PEBP4: variants seen among roughly 807,000 people sequenced by gnomAD.
PEBP4 encodes phosphatidylethanolamine binding protein 4, also known as phosphatidylethanolamine-binding protein 4.
PEBP4 carries 22 observed loss-of-function variants against 23.9 expected under a neutral mutation model. The observed-to-expected ratio is 0.92, with a 90% CI of 0.66 to 1.31. PEBP4 has a LOEUF of 1.31. Among genes scored for constraint, PEBP4 ranks in the 40% most tolerant of loss-of-function variants. The pLI, the probability that PEBP4 is intolerant of heterozygous loss-of-function variation, is 0.00. For synonymous variants in PEBP4, 112 were observed against 99.3 expected (o/e 1.13, Z -0.76); for missense variants, 324 against 281.7 (o/e 1.15, Z -1.07).
chr8:22,879,871 GGT>G (rs1808208717), intron 3 of PEBP4, among the ~76,000 whole-genome samples: 1 of 152,172 alleles, frequency 6.6e-6, no homozygotes, highest in African/African-American at 2.4e-5. Context: ...AAAATTTTCT[GGT>G]GTGTTTATTT....
intron 1 of PEBP4, among the ~76,000 whole-genome samples, chr8:22,933,061 A>T (rs575346577): frequency 2.7e-4 from 41 of 151,220 alleles, no homozygotes; most frequent in Middle Eastern, 3.5e-3. Flanking sequence ...TTCCACCTCC[A>T]CTGCCAGCAG....
chr8:22,866,647 G>T (rs1048006363), intron 3 of PEBP4, among the ~76,000 whole-genome samples: 15 of 151,272 alleles, frequency 9.9e-5, no homozygotes, highest in Non-Finnish European at 1.6e-4. Context: ...TGGGGTGGGG[G>T]GAAGCAAATC....
intron 4 of PEBP4, among the ~76,000 whole-genome samples, chr8:22,734,998 T>A (rs1311108060): frequency 1.3e-5 from 2 of 152,144 alleles, no homozygotes; most frequent in African/African-American, 2.4e-5. Flanking sequence ...TTGTTCTAGG[T>A]CGTGCGATTG....
At chr8:22,908,264 A>T (rs1401509687) in intron 3 of PEBP4, among the ~76,000 whole-genome samples, 3 of 152,168 alleles carry the variant, frequency 2.0e-5, no homozygotes, top group Non-Finnish European at 4.4e-5. Context: ...ACCACCCAGC[A>T]GAAGAAGCTG....
At chr8:22,858,122 C>A (rs940416579) in intron 3 of PEBP4, among the ~76,000 whole-genome samples, 1 of 152,156 alleles carries the variant, frequency 6.6e-6, no homozygotes, top group Non-Finnish European at 1.5e-5. Flanking sequence ...CTCTCCATGT[C>A]CCAGTGAGAA....
chr8:22,863,065 G>A (rs1234723697), intron 3 of PEBP4, among the ~76,000 whole-genome samples: 2 of 152,152 alleles, frequency 1.3e-5, no homozygotes, highest in African/African-American at 4.8e-5. Flanking sequence ...CTCCCAAAGT[G>A]CTGGGATTAC....
At chr8:22,893,545 TCC>T (rs1235873627) in intron 3 of PEBP4, among the ~76,000 whole-genome samples, 2 of 152,146 alleles carry the variant, frequency 1.3e-5, no homozygotes, top group African/African-American at 4.8e-5. Context: ...ATAACTATAT[TCC>T]ATGTGTTCAA....
At position 22,744,413 on chromosome 8, in the gene PEBP4, G is replaced by T. The variant is rs185817822; in HGVS notation, c.358-17193C>A. Among the ~76,000 whole-genome samples the T allele has an allele frequency of 3.3e-5, 5 of 152,328 alleles. No homozygotes were observed. The East Asian group carries it at 9.7e-4, about 29-fold the overall frequency. ...ACAGGCCACCATGACAGGGTCTGCC[G>T]GTGGAAAAAGACTCATGTATGAGTC... is the stretch of plus-strand genomic sequence containing the variant. On this transcript the variant is annotated intron_variant, in intron 4 of 6. Transcript: ENST00000256404.
intron 4 of PEBP4, among the ~76,000 whole-genome samples, chr8:22,784,920 C>G (rs1038032438): frequency 6.6e-6 from 1 of 152,232 alleles, no homozygotes; most frequent in African/African-American, 2.4e-5. Flanking sequence ...GTCAGGAACG[C>G]TCTGGGATCC....
At chr8:22,750,837 A>C (rs1805240042) in intron 4 of PEBP4, among the ~76,000 whole-genome samples, 1 of 152,162 alleles carries the variant, frequency 6.6e-6, no homozygotes, top group Admixed American at 6.5e-5. Context: ...ACAAGATGTT[A>C]TTGTGCCGAG....
rs1276783029 is a variant in PEBP4 at position 22,865,304 on chromosome 8, C to A, written c.259-47569G>T. 6.6e-6 allele frequency among the ~76,000 whole-genome samples: 1 copy of A among 151,226 alleles called. No individual in the cohort carries two copies. The highest frequency in any genetic ancestry group is 1.5e-5 in the Non-Finnish European group (1 of 67,632). ...AGGGCAGCCCGGGAAGAGCGGCGGG[C>A]GGATGGGAATTACCCCGGGTCCCCC... On this transcript the variant is annotated intron_variant, in intron 3 of 6. Transcript: ENST00000256404. This position sits in a 1 kb window ranked among gnomAD's most constrained non-coding sequence, Gnocchi z 6.9.
intron 4 of PEBP4, among the ~76,000 whole-genome samples, chr8:22,801,406 A>G (rs993753833): frequency 6.6e-6 from 1 of 152,114 alleles, no homozygotes; most frequent in Non-Finnish European, 1.5e-5. Context: ...ACTGCACCAC[A>G]CTGCCTCCTG....
Position 22,865,808 on chromosome 8 carries a change from G to A in PEBP4, c.259-48073C>T, listed in dbSNP as rs974650463. On this transcript the variant is annotated intron_variant, in intron 3 of 6. Transcript: ENST00000256404. The surrounding 1 kb of genome is among the most constrained non-coding windows in gnomAD (Gnocchi z 6.9). ...CACTCCCGGGGGCGCGAGCGGCGGC[G>A]CCTAGAGGGACCCCCACCCCGGGCT... Among the ~76,000 whole-genome samples, 2 of 152,314 alleles carry A rather than the reference G, an allele frequency of 1.3e-5. No individual in the cohort carries two copies. The highest frequency in any genetic ancestry group is 3.9e-4 in the East Asian group (2 of 5,160).
intron 3 of PEBP4, among the ~76,000 whole-genome samples, chr8:22,840,127 G>C (rs1415527159): frequency 6.6e-6 from 1 of 152,098 alleles, no homozygotes; most frequent in African/African-American, 2.4e-5. Context: ...TTCCAGAAAG[G>C]CTCAGAGAAT....
At chr8:22,760,953 G>T (rs1345590234) in intron 4 of PEBP4, among the ~76,000 whole-genome samples, 1 of 152,166 alleles carries the variant, frequency 6.6e-6, no homozygotes, top group Non-Finnish European at 1.5e-5. Context: ...CACACCAGTT[G>T]CCCTGTGCAT....
intron 3 of PEBP4, among the ~76,000 whole-genome samples, chr8:22,826,120 G>T (rs551475158): frequency 6.6e-6 from 1 of 152,258 alleles, no homozygotes; most frequent in South Asian, 2.1e-4. Flanking sequence ...GTACAATACC[G>T]TGTCCATAGT....
intron 3 of PEBP4, among the ~76,000 whole-genome samples, chr8:22,882,095 C>G (rs1341270219): frequency 1.3e-5 from 2 of 152,228 alleles, no homozygotes; most frequent in Admixed American, 6.5e-5. Flanking sequence ...AACCCCCCAG[C>G]CCTCCATCTC....
Position 22,713,260 on chromosome 8 carries a change from A to ATTTTTT in PEBP4, c.*104_*109dup. ...GATACAAAGCACCAAGCCCTGGATG[A>ATTTTTT]TTTTTTTTTTATTTGGAAAAGAAGG... On this transcript the variant is annotated 3_prime_UTR_variant, in exon 7 of 7. Coordinates refer to ENST00000256404, the MANE Select transcript of PEBP4 (RefSeq NM_144962.3). 1.5e-6 allele frequency: 2 copies of ATTTTTT among 1,329,852 alleles called. No homozygotes were observed. Among genetic ancestry groups the ATTTTTT allele is most frequent in the Non-Finnish European group, 9.8e-7 (1 of 1,018,728 alleles). The allele number at this position is 1,329,852 out of a possible 1,614,324, so 82.4% of individuals were successfully genotyped here.
rs535461852 is a variant in PEBP4, at chr8:22,940,444, C to T, written c.145-12724G>A. ...TGCCTCAAATGATGTGCTCAAATCA[C>T]GCTAGAGTGAAAAAATTGGAAACAC... On this transcript the variant is annotated intron_variant, in intron 1 of 1. Coordinates refer to the PEBP4 transcript ENST00000522278. 2.7e-4 allele frequency among the ~76,000 whole-genome samples: 41 copies of T among 151,278 alleles called. 1 individual carries two copies. Among genetic ancestry groups the T allele is most frequent in the South Asian group, 2.3e-3 (11 of 4,792 alleles).
Sources: allele counts gnomAD v4.1 joint callset (sites outside exome capture counted in the v4.1 genomes callset), GRCh38; gene constraint gnomAD v4.1.1; non-coding constraint Gnocchi (gnomAD v3.1); transcripts MANE v1.5; gene names NCBI Gene and HGNC (gene_info 2026-07-23, HGNC 2026-07-21).